The following MAST4 variants were observed in gnomAD, a reference collection of about 807,000 sequenced individuals.
MAST4 encodes the protein microtubule associated serine/threonine kinase family member 4.
MAST4 carries 89 observed loss-of-function variants against 162.7 expected under a neutral mutation model. The ratio of observed to expected loss-of-function variants is 0.55; its 90% CI spans 0.46 to 0.65. MAST4 has a LOEUF of 0.65. MAST4 is among the 30% of genes least tolerant of loss of function. The pLI is 0.00. For synonymous variants in MAST4, 1,479 were observed against 1,361.1 expected (o/e 1.09, Z -1.91); for missense variants, 3,153 against 3,374.0 (o/e 0.93, Z 1.62).
rs557010317 is a variant in MAST4, at chr5:66,806,298, G to C, written c.642+17504G>C. 5.3e-5 allele frequency among the ~76,000 whole-genome samples: 8 copies of C among 152,348 alleles called. No homozygotes were observed. In the South Asian group the frequency reaches 1.7e-3, roughly 32 times the overall value. ...GGGCAGGATTGAATGGTCCTCACTT[G>C]TCTGGCATTTTAAACAAATCTGCAT... On this transcript the variant is annotated intron_variant, in intron 3 of 28. Coordinates refer to ENST00000403625, the MANE Select transcript of MAST4 (RefSeq NM_001164664.2).
At chr5:67,003,869 A>T (rs113385163) in intron 4 of MAST4, 1 of 152,340 alleles carries the variant, frequency 6.6e-6, no homozygotes, top group Non-Finnish European at 1.5e-5. Flanking sequence ...CCGGCCATGA[A>T]GCCAAACAGG....
chr5:66,722,821 G>A (rs981512360), intron 1 of MAST4, among the ~76,000 whole-genome samples: 1 of 152,172 alleles, frequency 6.6e-6, no homozygotes, highest in Non-Finnish European at 1.5e-5. Flanking sequence ...GCTGCATAGC[G>A]AGGGAGAGGT....
At position 66,951,405 on chromosome 5, in the gene MAST4, T is replaced by C. The variant is rs139859071; in HGVS notation, c.674+51423T>C. Among the ~76,000 whole-genome samples the C allele has an allele frequency of 7.2e-5, 11 of 152,264 alleles. No individual in the cohort carries two copies. The East Asian group carries it at 2.1e-3, about 29-fold the overall frequency. ...CTTTTGTCACATCTTCTTCTCTGTA[T>C]CTCTTGAATCCCTCTTTTATCTTAT... On this transcript the variant is annotated intron_variant, in intron 4 of 28. Transcript: ENST00000403625.
At chr5:66,610,286 C>T (rs1001807613) in intron 1 of MAST4, among the ~76,000 whole-genome samples, 4 of 152,146 alleles carry the variant, frequency 2.6e-5, no homozygotes, top group Non-Finnish European at 5.9e-5. Flanking sequence ...TGGATTAGGG[C>T]TTACCCTAGA....
At chr5:66,980,515 T>G (rs1390525688) in intron 4 of MAST4, among the ~76,000 whole-genome samples, 1 of 152,182 alleles carries the variant, frequency 6.6e-6, no homozygotes, top group Non-Finnish European at 1.5e-5. Flanking sequence ...CCATGTGTGG[T>G]TTTGGAGCTC....
chr5:66,651,972 T>C (rs1746251956), intron 1 of MAST4, among the ~76,000 whole-genome samples: 1 of 152,194 alleles, frequency 6.6e-6, no homozygotes, highest in South Asian at 2.1e-4. Flanking sequence ...AGTGATAGTC[T>C]ATAATTTTGC....
chr5:67,138,739 A>G (rs1374088205), intron 19 of MAST4, among the ~76,000 whole-genome samples: 1 of 152,126 alleles, frequency 6.6e-6, no homozygotes, highest in South Asian at 2.1e-4. Context: ...TGGCCCCATC[A>G]TATATGTTTT....
chr5:66,837,285 T>A (rs1216061969), intron 3 of MAST4, among the ~76,000 whole-genome samples: 3 of 152,160 alleles, frequency 2.0e-5, no homozygotes, highest in Non-Finnish European at 4.4e-5. Context: ...TTTTTCTTCA[T>A]CATTATCATC....
chr5:66,614,430 G>T (rs750011088), intron 1 of MAST4, among the ~76,000 whole-genome samples: 6 of 152,172 alleles, frequency 3.9e-5, no homozygotes, highest in Non-Finnish European at 8.8e-5. Context: ...TGAAATGATA[G>T]AATAGAAGCT....
intron 1 of MAST4, among the ~76,000 whole-genome samples, chr5:66,632,797 T>A (rs898351569): frequency 5.3e-5 from 8 of 152,168 alleles, no homozygotes; most frequent in Non-Finnish European, 4.4e-5. Context: ...TGTTGATAAG[T>A]ATGAAATGAA....
intron 1 of MAST4, among the ~76,000 whole-genome samples, chr5:66,757,619 T>G (rs1364977939): frequency 6.9e-6 from 1 of 144,654 alleles, no homozygotes; most frequent in African/African-American, 2.6e-5. Context: ...AGAACAGGCA[T>G]GTTGAAGTAT....
chr5:67,049,004 C>T (rs1484812357), intron 4 of MAST4, among the ~76,000 whole-genome samples: 2 of 114,290 alleles, frequency 1.7e-5, no homozygotes, highest in Admixed American at 9.5e-5. Context: ...TATATATACA[C>T]ACACATATAT....
At chr5:67,054,548 A>T (rs1758576686) in intron 5 of MAST4, 56 bp downstream of exon 5, 13 of 1,433,126 alleles carry the variant, frequency 9.1e-6, no homozygotes, top group South Asian at 2.6e-5. Flanking sequence ...TTGGTTTTTT[A>T]AAATAATTAA....
chr5:66,805,015 A>G (rs919448295), intron 3 of MAST4, among the ~76,000 whole-genome samples: 1 of 152,174 alleles, frequency 6.6e-6, no homozygotes, highest in Admixed American at 6.5e-5. Context: ...CTACTTCATT[A>G]ATTTGAAGTG....
chr5:67,094,102 C>G lies in MAST4; in HGVS notation c.834-1495C>G, dbSNP rs138848374. Reference sequence around the variant, plus strand: ...ATCTGGTATATTTACATACATCTTACTTTGCTTCTTTTTTTTAACATACTT... The same window carrying G: ...ATCTGGTATATTTACATACATCTTAGTTTGCTTCTTTTTTTTAACATACTT... On this transcript the variant is annotated intron_variant, in intron 6 of 28. Coordinates refer to ENST00000403625, the MANE Select transcript of MAST4 (RefSeq NM_001164664.2). 633 of 1,256,422 alleles carry G rather than the reference C, an allele frequency of 5.0e-4. 1 individual carries two copies. In the African/African-American group the frequency reaches 6.4e-3, roughly 13 times the overall value. The allele number at this position is 1,256,422 out of a possible 1,614,324, so 77.8% of individuals were successfully genotyped here.
At chr5:67,064,263 G>A (rs1759969181) in intron 5 of MAST4, among the ~76,000 whole-genome samples, 1 of 152,164 alleles carries the variant, frequency 6.6e-6, no homozygotes, top group African/African-American at 2.4e-5. Context: ...TGAGATGCAG[G>A]AGGGAAGGTG....
intron 4 of MAST4, among the ~76,000 whole-genome samples, chr5:67,047,242 C>CA (rs1299654855): frequency 5.9e-5 from 9 of 152,182 alleles, no homozygotes; most frequent in African/African-American, 2.2e-4. Flanking sequence ...CAGAACCTTC[C>CA]AACAGCTTCC....
rs767699373 is a variant in MAST4, at chr5:67,164,510, T to C, written c.5331T>C (p.Pro1777=). The change falls in exon 29 of 29, where the codon CCT becomes CCC. Residue 1777 remains proline (P), a synonymous_variant. Coordinates refer to ENST00000403625, the MANE Select transcript of MAST4 (RefSeq NM_001164664.2). This position sits in a 1 kb window ranked among gnomAD's most constrained non-coding sequence, Gnocchi z 5.3. ...CGGAGAAGCCTGGCTTGGTTGCTCC[T>C]GAGTCCCCTGTTAGGAAGAGCCCCT... ...SGTEKPGLVA[P]ESPVRKSPSE... The C allele has an allele frequency of 4.4e-5, 71 of 1,613,872 alleles. No homozygotes were observed. The highest frequency in any genetic ancestry group is 3.3e-5 in the Non-Finnish European group (39 of 1,179,870).
intron 3 of MAST4, among the ~76,000 whole-genome samples, chr5:66,884,879 C>A (rs1424748527): frequency 6.6e-6 from 1 of 152,186 alleles, no homozygotes; most frequent in Non-Finnish European, 1.5e-5. Context: ...TTTATTTTAA[C>A]CTTGCAAATA....
Sources: allele counts gnomAD v4.1 joint callset (sites outside exome capture counted in the v4.1 genomes callset), GRCh38; gene constraint gnomAD v4.1.1; non-coding constraint Gnocchi (gnomAD v3.1); transcripts MANE v1.5; gene names NCBI Gene and HGNC (gene_info 2026-07-23, HGNC 2026-07-21).